DDX60: variants seen among roughly 807,000 people sequenced by gnomAD.
DDX60 encodes DExD/H-box helicase 60.
Under a neutral mutation model 212.8 loss-of-function variants are expected in DDX60, and 165 were observed. The observed-to-expected ratio is 0.78, with a 90% CI of 0.68 to 0.88. The LOEUF (loss-of-function observed/expected upper bound fraction) is 0.88, where lower values mean the gene tolerates loss of function less well. Ranked by LOEUF, DDX60 falls within the 40% of genes least tolerant of loss-of-function variation. DDX60 has a pLI of 0.00. For missense variants in DDX60, 1,905 were observed against 2,003.9 expected (o/e 0.95, Z 0.94); for synonymous variants, 703 against 685.3 (o/e 1.03, Z -0.40).
intron 19 of DDX60, among the ~76,000 whole-genome samples, chr4:168,270,501 C>T (rs920826519): frequency 3.3e-5 from 5 of 152,158 alleles, no homozygotes; most frequent in African/African-American, 1.2e-4. Flanking sequence ...TGGTTTTATC[C>T]CTTACACAAA....
At position 168,299,157 on chromosome 4, in the gene DDX60, C is replaced by CAAAAA. The variant is rs1197872492; in HGVS notation, c.723+3138_723+3142dup. ...GCCTGGCGACAGAGCGAGACTGTCT[C>CAAAAA]AAAAAAAAAAAAAAAAAAAAAAAAA... On this transcript the variant is annotated intron_variant, in intron 6 of 37. Coordinates refer to ENST00000393743, the MANE Select transcript of DDX60 (RefSeq NM_017631.6). Among the ~76,000 whole-genome samples, 63 of 61,930 alleles carry CAAAAA rather than the reference C, an allele frequency of 1.0e-3. 1 individual carries two copies. The highest frequency in any genetic ancestry group is 3.7e-3 in the Admixed American group (16 of 4,368). The allele number at this position is 61,930 out of a possible 152,430, so 40.6% of individuals were successfully genotyped here.
intron 1 of DDX60, among the ~76,000 whole-genome samples, chr4:168,314,360 C>T (rs986892856): frequency 8.6e-5 from 13 of 151,770 alleles, no homozygotes; most frequent in African/African-American, 3.2e-4. Flanking sequence ...TACCAATAGA[C>T]ATTTGAGGCA....
intron 20 of DDX60, 60 bp from the exon 21 acceptor site, chr4:168,268,043 A>C: frequency 7.2e-7 from 1 of 1,398,528 alleles, no homozygotes; most frequent in East Asian, 2.3e-5. Flanking sequence ...CTGTGAAATT[A>C]AGTAGTTTAA....
At chr4:168,234,787 T>C (rs968889847) in intron 33 of DDX60, among the ~76,000 whole-genome samples, 7 of 152,132 alleles carry the variant, frequency 4.6e-5, no homozygotes, top group Non-Finnish European at 5.9e-5. Flanking sequence ...CTTTAGATGT[T>C]ATCTTTCACA....
Position 168,275,454 on chromosome 4 carries a change from C to A in DDX60, c.2195G>T (p.Gly732Val). 2 of 1,611,012 alleles carry A rather than the reference C, an allele frequency of 1.2e-6. No homozygotes were observed. The highest frequency in any genetic ancestry group is 1.7e-5 in the Admixed American group (1 of 59,742). ...KVKKRNKYSV[G>V]IGPARFQLQY... Reference sequence around the variant, plus strand: ...CAGTTGGAACCGAGCTGGCCCAATGCCAACTGAATATTTATTCCTTTTCTT... The same window carrying A: ...CAGTTGGAACCGAGCTGGCCCAATGACAACTGAATATTTATTCCTTTTCTT... The change falls in exon 16 of 38, where the codon GGC becomes GTC. Residue 732 changes from glycine to valine, a missense_variant. Coordinates refer to ENST00000393743, the MANE Select transcript of DDX60 (RefSeq NM_017631.6).
intron 30 of DDX60, among the ~76,000 whole-genome samples, chr4:168,242,150 A>G (rs1733863174): frequency 1.3e-5 from 2 of 152,198 alleles, no homozygotes; most frequent in African/African-American, 4.8e-5. Context: ...ATTTCAGAGG[A>G]TGTATGAAAC....
chr4:168,232,874 C>T (rs1733503537), intron 33 of DDX60, among the ~76,000 whole-genome samples: 1 of 151,958 alleles, frequency 6.6e-6, no homozygotes, highest in Non-Finnish European at 1.5e-5. Context: ...CTTAATTAAA[C>T]TAAAAGCTTC....
chr4:168,298,348 A>G (rs1037899390), intron 6 of DDX60, among the ~76,000 whole-genome samples: 1 of 151,518 alleles, frequency 6.6e-6, no homozygotes, highest in Non-Finnish European at 1.5e-5. Context: ...TATAAGACAC[A>G]CAACTAAAAC....
chr4:168,296,424 G>A (rs1736345497), intron 6 of DDX60, among the ~76,000 whole-genome samples: 1 of 152,000 alleles, frequency 6.6e-6, no homozygotes, highest in Non-Finnish European at 1.5e-5. Context: ...GCAATTAAGT[G>A]GCGAAAGAGT....
chr4:168,217,099 T>C, intron 37 of DDX60, 67 bp from the exon 38 acceptor site: 1 of 1,028,652 alleles, frequency 9.7e-7, no homozygotes, highest in Non-Finnish European at 1.4e-6. Context: ...AAGGCTTTCC[T>C]TGGTTAGGCA....
intron 1 of DDX60, among the ~76,000 whole-genome samples, chr4:168,313,058 G>A (rs1737210541): frequency 6.6e-6 from 1 of 152,070 alleles, no homozygotes. Context: ...TTCTCTCCTT[G>A]TACAACCCAG....
In DDX60 at chr4:168,220,668, T is replaced by C; in HGVS notation, c.5026A>G (p.Ile1676Val). 3 of 1,470,164 alleles carry C rather than the reference T, an allele frequency of 2.0e-6. No homozygotes were observed. The highest frequency in any genetic ancestry group is 1.4e-5 in the South Asian group (1 of 69,178). The allele number at this position is 1,470,164 out of a possible 1,614,324, so 91.1% of individuals were successfully genotyped here. ...TATATAACACACCTGATAGATTTAA[T>C]GGTGAGTGCAAAATCCTTCAACAAA... ...YYLLKDFALT[I>V]KSISVSLREL... is the part of the protein sequence containing the mutation. The change falls in exon 37 of 38, where the codon ATT becomes GTT. Residue 1676 changes from isoleucine to valine, a missense_variant. Coordinates refer to ENST00000393743, the MANE Select transcript of DDX60 (RefSeq NM_017631.6).
At chr4:168,224,783 G>A (rs1733190528) in intron 34 of DDX60, among the ~76,000 whole-genome samples, 1 of 151,864 alleles carries the variant, frequency 6.6e-6, no homozygotes, top group African/African-American at 2.4e-5. Context: ...TGGAAGTAGT[G>A]CATGAGAATA....
At chr4:168,230,317 A>G (rs907544651) in intron 33 of DDX60, among the ~76,000 whole-genome samples, 1 of 152,174 alleles carries the variant, frequency 6.6e-6, no homozygotes, top group African/African-American at 2.4e-5. Flanking sequence ...TCATAAAGAC[A>G]GAAAGTCAAC....
rs1164002361 is a variant in DDX60, at chr4:168,306,428, T to C, written c.557A>G (p.Tyr186Cys). 6.2e-7 allele frequency: 1 copy of C among 1,614,082 alleles called. No individual in the cohort carries two copies. The highest frequency in any genetic ancestry group is 8.5e-7 in the Non-Finnish European group (1 of 1,179,980). The change falls in exon 5 of 38, where the codon TAT becomes TGT. Residue 186 changes from tyrosine (Y) to cysteine (C), a missense_variant. Tyr to Cys is a radical substitution (Grantham distance 194). Coordinates refer to ENST00000393743, the MANE Select transcript of DDX60 (RefSeq NM_017631.6). ...GTACATGCTTGGAAGAAGGTATGCA[T>C]AAAGGCAAAGAACATCAGATTCTTG... Reference protein sequence around the residue: ...SGQESDVLCLYAYLLPSMYRH... With the variant: ...SGQESDVLCLCAYLLPSMYRH...
At chr4:168,265,892 G>C (rs1033277198) in intron 22 of DDX60, among the ~76,000 whole-genome samples, 5 of 122,002 alleles carry the variant, frequency 4.1e-5, no homozygotes, top group African/African-American at 1.6e-4. Context: ...GAAGGGAAGG[G>C]AAGGGAGAAA....
At chr4:168,293,534 CTT>C (rs1463768748) in intron 7 of DDX60, among the ~76,000 whole-genome samples, 1 of 152,160 alleles carries the variant, frequency 6.6e-6, no homozygotes, top group African/African-American at 2.4e-5. Flanking sequence ...AATATCCTGT[CTT>C]GTTTCATTTT....
intron 36 of DDX60, 64 bp downstream of exon 36, chr4:168,221,666 A>G (rs1733054230): frequency 1.4e-6 from 2 of 1,478,036 alleles, no homozygotes; most frequent in African/African-American, 2.8e-5. Context: ...AAAATTCATT[A>G]AATTAATTCA....
chr4:168,220,625 C>A, intron 37 of DDX60, 30 bp downstream of exon 37: 1 of 1,192,890 alleles, frequency 8.4e-7, no homozygotes, highest in Non-Finnish European at 1.2e-6. Context: ...ATTAAAAAAT[C>A]TAAAATCAAT....
Sources: allele counts gnomAD v4.1 joint callset (sites outside exome capture counted in the v4.1 genomes callset), GRCh38; gene constraint gnomAD v4.1.1; transcripts MANE v1.5; gene names NCBI Gene and HGNC (gene_info 2026-07-23, HGNC 2026-07-21).